The following HSD17B7 variants were observed in gnomAD, a reference collection of about 807,000 sequenced individuals.
HSD17B7 encodes the protein hydroxysteroid 17-beta dehydrogenase 7, also known as 3-keto-steroid reductase/17-beta-hydroxysteroid dehydrogenase 7.
A neutral mutation model predicts 34.1 loss-of-function variants in HSD17B7; 17 were observed. The observed-to-expected ratio is 0.50, with a 90% CI of 0.34 to 0.75. The LOEUF is 0.75. Ranked by LOEUF, HSD17B7 falls within the 30% of genes least tolerant of loss-of-function variation. The probability of loss-of-function intolerance (pLI) is 0.01; values close to 1 mark genes in which losing one functional copy is unlikely to be tolerated. For synonymous variants in HSD17B7, 122 were observed against 154.6 expected (o/e 0.79, Z 1.56); for missense variants, 296 against 406.6 (o/e 0.73, Z 2.34).
At chr1:162,791,736 T>A (rs976735523) in intron 1 of HSD17B7, among the ~76,000 whole-genome samples, 3 of 151,796 alleles carry the variant, frequency 2.0e-5, no homozygotes, top group Non-Finnish European at 4.4e-5. Flanking sequence ...TGTCTGTTTC[T>A]TTTACATATA....
chr1:162,792,931 A>G (rs1243436050), intron 2 of HSD17B7, 69 bp downstream of exon 2: 6 of 1,508,780 alleles, frequency 4.0e-6, no homozygotes, highest in Non-Finnish European at 5.5e-6. Context: ...AAAATAAGAG[A>G]GGAAAGAAAA....
At chr1:162,809,527 T>C (rs2102238009) in intron 8 of HSD17B7, among the ~76,000 whole-genome samples, 1 of 150,516 alleles carries the variant, frequency 6.6e-6, no homozygotes, top group East Asian at 2.0e-4. Flanking sequence ...TTGATTGGAA[T>C]AGTTTCAGAA....
chr1:162,810,334 T>G lies in HSD17B7; in HGVS notation c.904-1964T>G, dbSNP rs1442339399. ...GAGAGACAGTTTGTTATAATTTCTG[T>G]TCTTCCACATTTGCTGAGGAATGCT... On this transcript the variant is annotated intron_variant, in intron 8 of 8. Coordinates refer to ENST00000254521, the MANE Select transcript of HSD17B7 (RefSeq NM_016371.4). Among the ~76,000 whole-genome samples, 17 of 152,366 alleles carry G rather than the reference T, an allele frequency of 1.1e-4. No individual in the cohort carries two copies. The East Asian group carries it at 2.5e-3, about 22-fold the overall frequency.
At chr1:162,809,927 GT>G (rs780835942) in intron 8 of HSD17B7, among the ~76,000 whole-genome samples, 4 of 151,900 alleles carry the variant, frequency 2.6e-5, no homozygotes, top group Admixed American at 6.6e-5. Context: ...TTTTTGAAGG[GT>G]TTTTTTGTGT....
intron 8 of HSD17B7, among the ~76,000 whole-genome samples, chr1:162,809,268 C>T (rs1298824593): frequency 6.6e-6 from 1 of 152,088 alleles, no homozygotes; most frequent in Non-Finnish European, 1.5e-5. Flanking sequence ...TGCTGGATTA[C>T]GTTTATTGAT....
At chr1:162,801,178 G>A (rs181089698) in intron 5 of HSD17B7, among the ~76,000 whole-genome samples, 1 of 152,242 alleles carries the variant, frequency 6.6e-6, no homozygotes. Flanking sequence ...GTTTTACTAT[G>A]TTGGCCAAGC....
At position 162,812,381 on chromosome 1, in the gene HSD17B7, A is replaced by C; in HGVS notation, c.987A>C (p.Lys329Asn). ...AGCACATTAGGGTCACTATTCAAAA[A>C]ACAGATAATCAGGCCAGGCTCAGTG... ...LEKHIRVTIQ[K>N]TDNQARLSGS... The change falls in exon 9 of 9, where the codon AAA (lysine) becomes AAC (asparagine). Residue 329 changes from lysine to asparagine, a missense_variant. By Grantham distance (94) the Lys-to-Asn change is moderately conservative. Transcript: ENST00000254521. The C allele has an allele frequency of 6.2e-7, 1 of 1,608,918 alleles. No homozygotes were observed. The highest frequency in any genetic ancestry group is 8.5e-7 in the Non-Finnish European group (1 of 1,177,270).
intron 8 of HSD17B7, among the ~76,000 whole-genome samples, chr1:162,809,784 C>T (rs923047840): frequency 1.3e-5 from 2 of 149,898 alleles, no homozygotes; most frequent in Admixed American, 6.6e-5. Context: ...CAGATGGGAT[C>T]GGTGGTGATA....
At chr1:162,805,752 GA>G (rs1166349847) in intron 8 of HSD17B7, among the ~76,000 whole-genome samples, 2 of 152,108 alleles carry the variant, frequency 1.3e-5, no homozygotes, top group African/African-American at 4.8e-5. Context: ...AGCCTTTAGT[GA>G]CCCTGTAGAC....
At chr1:162,797,029 C>T (rs1648635950) in intron 3 of HSD17B7, among the ~76,000 whole-genome samples, 1 of 152,116 alleles carries the variant, frequency 6.6e-6, no homozygotes, top group African/African-American at 2.4e-5. Flanking sequence ...TGTTTCCCAG[C>T]TGTATGTCAG....
chr1:162,790,776 T>G lies in HSD17B7; in HGVS notation c.-25T>G. On this transcript the variant is annotated 5_prime_UTR_variant, in exon 1 of 9. Transcript: ENST00000254521. ...AAAGCAGCGGCGGTGTTTGCTTCAC[T>G]GCTTGGAAGTGTGAGTGCGCGAAGA... is the stretch of plus-strand genomic sequence containing the variant. The G allele has an allele frequency of 2.5e-6, 4 of 1,599,498 alleles. No homozygotes were observed. Among genetic ancestry groups the G allele is most frequent in the Non-Finnish European group, 3.4e-6 (4 of 1,170,104 alleles).
chr1:162,811,524 A>G (rs1255288679), intron 8 of HSD17B7, among the ~76,000 whole-genome samples: 1 of 152,254 alleles, frequency 6.6e-6, no homozygotes, highest in Non-Finnish European at 1.5e-5. Flanking sequence ...GTTTGCCTGT[A>G]CATACTGTTG....
intron 4 of HSD17B7, 149 bp from the exon 5 acceptor site, chr1:162,799,594 T>C: frequency 5.0e-6 from 3 of 598,760 alleles, no homozygotes; most frequent in Non-Finnish European, 9.1e-6. Flanking sequence ...TAAATATTTT[T>C]CTGTGTAACT....
chr1:162,809,566 G>C (rs1442528656), intron 8 of HSD17B7, among the ~76,000 whole-genome samples: 2 of 151,838 alleles, frequency 1.3e-5, no homozygotes, highest in African/African-American at 2.4e-5. Context: ...TGTACCTCTG[G>C]TAGAATTCAG....
chr1:162,790,869 C>T (rs913400614), intron 1 of HSD17B7, 34 bp downstream of exon 1: 5 of 1,606,552 alleles, frequency 3.1e-6, no homozygotes, highest in Non-Finnish European at 4.3e-6. Context: ...GAGGCGGCAG[C>T]GGATCAGGGG....
chr1:162,805,776 C>G (rs1648963164), intron 8 of HSD17B7, among the ~76,000 whole-genome samples: 1 of 152,140 alleles, frequency 6.6e-6, no homozygotes, highest in Admixed American at 6.6e-5. Context: ...GGCCTGGGTG[C>G]CTCTGTAATA....
At position 162,810,110 on chromosome 1, in the gene HSD17B7, C is replaced by G. The variant is rs1295799856; in HGVS notation, c.904-2188C>G. 2.0e-5 allele frequency among the ~76,000 whole-genome samples: 3 copies of G among 152,208 alleles called. No individual in the cohort carries two copies. The East Asian group carries it at 5.8e-4, about 29-fold the overall frequency. ...TTAGTGCTATAAATTTCACTCTACA[C>G]ACTGCTTTAAATGTGTCCCAGAGAT... On this transcript the variant is annotated intron_variant, in intron 8 of 8. Coordinates refer to ENST00000254521, the MANE Select transcript of HSD17B7 (RefSeq NM_016371.4).
chr1:162,801,765 C>T (rs1169575254), intron 5 of HSD17B7, among the ~76,000 whole-genome samples: 5 of 152,044 alleles, frequency 3.3e-5, no homozygotes, highest in African/African-American at 9.7e-5. Context: ...TGTGCACCTC[C>T]TTCTGAAGTT....
chr1:162,812,819 C>T lies in HSD17B7; in HGVS notation c.*399C>T, dbSNP rs1273004481. 6.5e-6 allele frequency: 1 copy of T among 154,036 alleles called. No homozygotes were observed. The highest frequency in any genetic ancestry group is 6.4e-5 in the Admixed American group (1 of 15,530). 9.5% of individuals were successfully genotyped at this position (154,036 alleles called of 1,614,324 possible). On this transcript the variant is annotated 3_prime_UTR_variant, in exon 9 of 9. Transcript: ENST00000254521. ...ATTTGTAATAAACTATGAACTATGA[C>T]TGTCTCTTTTCCTTCCTTTTGGAAT...
Sources: allele counts gnomAD v4.1 joint callset (sites outside exome capture counted in the v4.1 genomes callset), GRCh38; gene constraint gnomAD v4.1.1; transcripts MANE v1.5; gene names NCBI Gene and HGNC (gene_info 2026-07-23, HGNC 2026-07-21).